ADAMTSL3: variants seen among roughly 807,000 people sequenced by gnomAD.
ADAMTSL3 encodes ADAMTS-like protein 3.
ADAMTSL3 carries 128 observed loss-of-function variants against 201.7 expected under a neutral mutation model. The ratio of observed to expected loss-of-function variants is 0.63; its 90% CI spans 0.55 to 0.73. ADAMTSL3 has a LOEUF of 0.73. Ranked by LOEUF, ADAMTSL3 falls within the 30% of genes least tolerant of loss-of-function variation. ADAMTSL3 has a pLI of 0.00. For missense variants in ADAMTSL3, 1,990 were observed against 2,119.6 expected, an observed-to-expected ratio of 0.94 and a Z score of 1.20; for synonymous variants, 738 against 748.4, an observed-to-expected ratio of 0.99 and a Z score of 0.23.
chr15:83,856,480 T>A (rs1346070344), intron 7 of ADAMTSL3, among the ~76,000 whole-genome samples: 1 of 152,062 alleles, frequency 6.6e-6, no homozygotes, highest in Admixed American at 6.6e-5. Context: ...CCTGGCCCCC[T>A]CCTTTTTTTT....
At chr15:83,731,944 G>C (rs1454713353) in intron 3 of ADAMTSL3, among the ~76,000 whole-genome samples, 1 of 151,912 alleles carries the variant, frequency 6.6e-6, no homozygotes, top group Non-Finnish European at 1.5e-5. Context: ...AGGAGATGTT[G>C]GTTAAAGGGT....
intron 6 of ADAMTSL3, among the ~76,000 whole-genome samples, chr15:83,827,320 G>A (rs141967925): frequency 7.0e-4 from 107 of 152,282 alleles, no homozygotes; most frequent in African/African-American, 5.5e-4. Flanking sequence ...TTTGAGAAGT[G>A]TCTGTTTATA....
intron 3 of ADAMTSL3, among the ~76,000 whole-genome samples, chr15:83,754,777 C>T (rs2062692259): frequency 6.6e-6 from 1 of 151,990 alleles, no homozygotes; most frequent in African/African-American, 2.4e-5. Flanking sequence ...TGAAATAAAA[C>T]TGAAGGATTT....
intron 7 of ADAMTSL3, among the ~76,000 whole-genome samples, chr15:83,851,412 T>A (rs74024585): frequency 0.01 from 1,587 of 152,200 alleles, 34 homozygotes; most frequent in African/African-American, 0.036. Flanking sequence ...AAGTGTGTAA[T>A]TATCAATGGG....
intron 10 of ADAMTSL3, among the ~76,000 whole-genome samples, chr15:83,888,648 T>C (rs1218263185): frequency 6.6e-6 from 1 of 152,246 alleles, no homozygotes; most frequent in Non-Finnish European, 1.5e-5. Flanking sequence ...TAATCGTCGA[T>C]GTGAGACACT....
chr15:83,826,871 TG>T (rs2064036261), intron 6 of ADAMTSL3, among the ~76,000 whole-genome samples: 1 of 152,106 alleles, frequency 6.6e-6, no homozygotes, highest in African/African-American at 2.4e-5. Context: ...TAGTATTCCA[TG>T]GTGTATATGT....
At chr15:83,744,025 T>A (rs2062502156) in intron 3 of ADAMTSL3, among the ~76,000 whole-genome samples, 1 of 152,088 alleles carries the variant, frequency 6.6e-6, no homozygotes, top group Non-Finnish European at 1.5e-5. Flanking sequence ...TAATTTTTTG[T>A]ATTTTTAGTA....
At chr15:83,975,053 G>C (rs369830476) in intron 20 of ADAMTSL3, among the ~76,000 whole-genome samples, 3 of 140,684 alleles carry the variant, frequency 2.1e-5, no homozygotes, top group Non-Finnish European at 3.0e-5. Flanking sequence ...CTAGGCTGGA[G>C]TGCAGTGGCG....
rs1215243358 is a variant in ADAMTSL3 at position 83,714,881 on chromosome 15, C to T, written c.189+10373C>T. Among the ~76,000 whole-genome samples the T allele has an allele frequency of 5.1e-3, 38 of 7,428 alleles. 1 individual carries two copies. The highest frequency in any genetic ancestry group is 0.01 in the South Asian group (1 of 96). The allele number at this position is 7,428 out of a possible 152,430, so 4.9% of individuals were successfully genotyped here. A position where few individuals can be genotyped will look rare whatever the true frequency, so the allele number is the denominator to read the frequency against. ...CCCTCCCTCCCTCCCTCCCTCCCTT[C>T]CTTCCTTCCTTCCTTCCTTCCTTCC... On this transcript the variant is annotated intron_variant, in intron 3 of 29. Transcript: ENST00000286744.
At chr15:83,808,346 A>G (rs925153038) in intron 5 of ADAMTSL3, among the ~76,000 whole-genome samples, 3 of 152,234 alleles carry the variant, frequency 2.0e-5, no homozygotes, top group Non-Finnish European at 1.5e-5. Context: ...ACATTTCTCA[A>G]TAGAAAACAT....
intron 4 of ADAMTSL3, among the ~76,000 whole-genome samples, chr15:83,780,952 C>T (rs1382585175): frequency 6.6e-6 from 1 of 152,082 alleles, no homozygotes; most frequent in East Asian, 1.9e-4. Context: ...TTGAAGAAAT[C>T]AGAGATGACA....
intron 5 of ADAMTSL3, among the ~76,000 whole-genome samples, chr15:83,812,605 A>G (rs2063715522): frequency 6.6e-6 from 1 of 152,112 alleles, no homozygotes; most frequent in Admixed American, 6.5e-5. Flanking sequence ...ATGGAGAAGG[A>G]GGTGTTTCTG....
intron 23 of ADAMTSL3, among the ~76,000 whole-genome samples, chr15:83,991,584 G>T (rs1396956968): frequency 1.3e-5 from 2 of 152,228 alleles, no homozygotes; most frequent in African/African-American, 2.4e-5. Flanking sequence ...GAGGGGATTT[G>T]TGGGAAATTG....
At chr15:83,835,825 T>A (rs986721968) in intron 6 of ADAMTSL3, among the ~76,000 whole-genome samples, 2 of 152,242 alleles carry the variant, frequency 1.3e-5, no homozygotes, top group African/African-American at 4.8e-5. Flanking sequence ...TTGTTGTTGT[T>A]GTCTATCTGC....
intron 2 of ADAMTSL3, among the ~76,000 whole-genome samples, chr15:83,680,284 T>C (rs1296777317): frequency 6.6e-6 from 1 of 152,096 alleles, no homozygotes; most frequent in East Asian, 1.9e-4. Context: ...AGTTCTGAGG[T>C]TCCTAGCCAG....
At chr15:83,678,987 C>T (rs1390447034) in intron 2 of ADAMTSL3, among the ~76,000 whole-genome samples, 1 of 144,816 alleles carries the variant, frequency 6.9e-6, no homozygotes, top group Non-Finnish European at 1.5e-5. Context: ...TTGTTATTCT[C>T]CCATAGGCCT....
chr15:83,919,038 T>C (rs2066088334), intron 16 of ADAMTSL3, among the ~76,000 whole-genome samples: 1 of 152,164 alleles, frequency 6.6e-6, no homozygotes, highest in African/African-American at 2.4e-5. Context: ...TCTGAGCTGG[T>C]GAATGCTAAA....
At chr15:83,786,372 A>G (rs1344850396) in intron 4 of ADAMTSL3, among the ~76,000 whole-genome samples, 1 of 152,192 alleles carries the variant, frequency 6.6e-6, no homozygotes, top group African/African-American at 2.4e-5. Context: ...ATTTTGATGC[A>G]GTAATACAAT....
At chr15:83,992,415 C>T (rs1031395043) in intron 23 of ADAMTSL3, among the ~76,000 whole-genome samples, 1 of 152,206 alleles carries the variant, frequency 6.6e-6, no homozygotes, top group African/African-American at 2.4e-5. Flanking sequence ...ACTGACTCCA[C>T]CCACAAATAT....
Sources: gnomAD v4.1 joint callset for allele counts (sites outside exome capture counted in the v4.1 genomes callset) on GRCh38, gnomAD v4.1.1 for gene constraint, MANE v1.5 for transcripts, NCBI Gene and HGNC (gene_info 2026-07-23, HGNC 2026-07-21) for gene names.